GALK2: variants seen among roughly 807,000 people sequenced by gnomAD.
GALK2 encodes galactokinase 2.
A neutral mutation model predicts 52.4 loss-of-function variants in GALK2; 36 were observed. That is an observed-to-expected ratio of 0.69 (90% CI 0.53 to 0.91). GALK2 has a LOEUF of 0.91. GALK2 is among the 40% of genes least tolerant of loss of function. The probability of loss-of-function intolerance (pLI) is 0.00; values close to 1 mark genes in which losing one functional copy is unlikely to be tolerated. For synonymous variants in GALK2, 176 were observed against 199.1 expected (o/e 0.88, Z 0.98); for missense variants, 579 against 559.1 (o/e 1.04, Z -0.36).
At chr15:49,339,090 G>A (rs1936302489) in intron 3 of GALK2, among the ~76,000 whole-genome samples, 2 of 152,090 alleles carry the variant, frequency 1.3e-5, no homozygotes, top group South Asian at 2.1e-4. Flanking sequence ...CCTTTAGCTC[G>A]CAGGAGTTTG....
chr15:49,229,008 T>C (rs1208992598), intron 3 of GALK2, among the ~76,000 whole-genome samples: 1 of 152,136 alleles, frequency 6.6e-6, no homozygotes, highest in African/African-American at 2.4e-5. Context: ...CTGAGCTTTT[T>C]AAATGTCATT....
intron 3 of GALK2, among the ~76,000 whole-genome samples, chr15:49,229,609 T>A (rs1047912734): frequency 6.6e-6 from 1 of 152,152 alleles, no homozygotes; most frequent in Non-Finnish European, 1.5e-5. Flanking sequence ...GATTGTATGC[T>A]TAGGCATAGG....
chr15:49,159,151 G>C (rs1326622799), intron 1 of GALK2, among the ~76,000 whole-genome samples: 1 of 152,154 alleles, frequency 6.6e-6, no homozygotes, highest in African/African-American at 2.4e-5. Context: ...TTTAGTGGCT[G>C]TGTAATAATC....
chr15:49,311,972 C>T (rs1281735130), intron 8 of GALK2, among the ~76,000 whole-genome samples: 4 of 152,188 alleles, frequency 2.6e-5, no homozygotes, highest in East Asian at 1.9e-4. Flanking sequence ...GGGGGCTGTC[C>T]ACACAGTTAA....
intron 9 of GALK2, among the ~76,000 whole-genome samples, chr15:49,326,222 A>AT (rs2037453293): frequency 6.7e-6 from 1 of 149,958 alleles, no homozygotes; most frequent in Non-Finnish European, 1.5e-5. Flanking sequence ...CATCTTCCAC[A>AT]GTAAGAGTTT....
chr15:49,228,688 T>TATACATATA, intron 3 of GALK2, among the ~76,000 whole-genome samples: 13 of 10,444 alleles, frequency 1.2e-3, no homozygotes, highest in South Asian at 6.3e-3. Flanking sequence ...TATATATATA[T>TATACATATA]TTTTTTTTTT....
intron 1 of GALK2, among the ~76,000 whole-genome samples, chr15:49,192,479 A>ATATATG (rs1434150177): frequency 8.4e-5 from 6 of 71,594 alleles, no homozygotes; most frequent in South Asian, 9.6e-4. Context: ...AATATTATAT[A>ATATATG]TATATGTATA....
intron 2 of GALK2, among the ~76,000 whole-genome samples, chr15:49,211,449 C>G (rs961122680): frequency 6.6e-6 from 1 of 152,196 alleles, no homozygotes; most frequent in African/African-American, 2.4e-5. Flanking sequence ...CCAAACTGTT[C>G]CAACCTCTGC....
At chr15:49,287,964 T>TCTCA (rs926702702) in intron 7 of GALK2, among the ~76,000 whole-genome samples, 3 of 151,928 alleles carry the variant, frequency 2.0e-5, no homozygotes, top group African/African-American at 7.3e-5. Flanking sequence ...TCTCTTTCTC[T>TCTCA]CCATCAGCTT....
chr15:49,275,823 A>G (rs1392543647), intron 5 of GALK2, among the ~76,000 whole-genome samples: 1 of 152,144 alleles, frequency 6.6e-6, no homozygotes, highest in African/African-American at 2.4e-5. Flanking sequence ...TAGATTCTCT[A>G]TTAAATTGAA....
chr15:49,349,076 C>T (rs922082248), intron 3 of GALK2, among the ~76,000 whole-genome samples: 2 of 152,156 alleles, frequency 1.3e-5, no homozygotes, highest in African/African-American at 4.8e-5. Context: ...TTATTTAATT[C>T]ACTAGTTAGT....
chr15:49,240,519 A>G (rs1360045277), intron 5 of GALK2, among the ~76,000 whole-genome samples: 1 of 152,228 alleles, frequency 6.6e-6, no homozygotes, highest in Admixed American at 6.5e-5. Context: ...GTGGATAAGT[A>G]GTTTTCTATG....
chr15:49,222,337 G>C (rs2089857355), intron 3 of GALK2, among the ~76,000 whole-genome samples: 1 of 152,098 alleles, frequency 6.6e-6, no homozygotes, highest in Admixed American at 6.6e-5. Flanking sequence ...CATGTCACCT[G>C]TGAAACAGGA....
At chr15:49,299,746 T>TCTTTCTTTCTTTCTTTCTTTCTTTCTTTC (rs2034866158) in intron 8 of GALK2, among the ~76,000 whole-genome samples, 2 of 126,680 alleles carry the variant, frequency 1.6e-5, no homozygotes, top group African/African-American at 3.0e-5. Flanking sequence ...TTTCTTTCTT[T>TCTTTCTTTCTTTCTTTCTTTCTTTCTTTC]CTTTCTTTCT....
intron 5 of GALK2, among the ~76,000 whole-genome samples, chr15:49,271,538 C>T (rs549609658): frequency 6.6e-6 from 1 of 152,302 alleles, no homozygotes; most frequent in East Asian, 1.9e-4. Flanking sequence ...TGCTTAAAAG[C>T]ATAGAACCAA....
intron 1 of GALK2, among the ~76,000 whole-genome samples, chr15:49,179,899 C>CCCTA (rs1245138951): frequency 2.0e-5 from 3 of 152,064 alleles, no homozygotes; most frequent in African/African-American, 7.2e-5. Context: ...CCAATTACAG[C>CCCTA]CCTACCATTC....
rs541216331 is a variant in GALK2, at chr15:49,193,217, C to T, written c.54-7945C>T. 3.9e-5 allele frequency among the ~76,000 whole-genome samples: 6 copies of T among 152,058 alleles called. No homozygotes were observed. In the East Asian group the frequency reaches 1.2e-3, roughly 30 times the overall value. On this transcript the variant is annotated intron_variant, in intron 1 of 9. Coordinates refer to ENST00000560031, the MANE Select transcript of GALK2 (RefSeq NM_002044.4). ...TTCACCATGTTAGCCAGGCTGGTCT[C>T]GAACTCCTGACCTCAGGCAGTCCAC...
intron 2 of GALK2, 93 bp from the exon 3 acceptor site, chr15:49,217,097 C>A: frequency 2.8e-6 from 3 of 1,073,448 alleles, no homozygotes; most frequent in South Asian, 1.6e-5. Context: ...TAAAACCTGG[C>A]TCATGGTCAG....
intron 3 of GALK2, among the ~76,000 whole-genome samples, chr15:49,362,139 G>C (rs189198509): frequency 1.3e-5 from 2 of 152,066 alleles, no homozygotes; most frequent in Admixed American, 1.3e-4. Flanking sequence ...ACATAGTTTG[G>C]CTCTGTGTCC....
Sources: allele counts gnomAD v4.1 joint callset (sites outside exome capture counted in the v4.1 genomes callset), GRCh38; gene constraint gnomAD v4.1.1; transcripts MANE v1.5; gene names NCBI Gene and HGNC (gene_info 2026-07-23, HGNC 2026-07-21).